DZIP3: variants seen among roughly 807,000 people sequenced by gnomAD.
The protein encoded by DZIP3 is DAZ interacting zinc finger protein 3.
A neutral mutation model predicts 162.0 loss-of-function variants in DZIP3; 118 were observed. The ratio of observed to expected loss-of-function variants is 0.73; its 90% CI spans 0.63 to 0.85. The LOEUF (loss-of-function observed/expected upper bound fraction) is 0.85. Among genes scored for constraint, DZIP3 ranks in the 40% least tolerant of loss-of-function variants. DZIP3 has a pLI of 0.00. For synonymous variants in DZIP3, 438 were observed against 458.6 expected (o/e 0.96, Z 0.57); for missense variants, 1,331 against 1,407.0 (o/e 0.95, Z 0.86).
chr3:108,631,419 C>T (rs931676146), intron 8 of DZIP3, among the ~76,000 whole-genome samples: 1 of 151,810 alleles, frequency 6.6e-6, no homozygotes, highest in African/African-American at 2.4e-5. Flanking sequence ...CTCTGTCACC[C>T]TGGGTGGAGT....
intron 5 of DZIP3, among the ~76,000 whole-genome samples, chr3:108,623,323 A>G (rs1192900079): frequency 6.6e-6 from 1 of 152,160 alleles, no homozygotes; most frequent in Non-Finnish European, 1.5e-5. Flanking sequence ...CCCAAGGCCC[A>G]TGGCGAGTAC....
chr3:108,661,917 A>G lies in DZIP3; in HGVS notation c.2240A>G (p.Glu747Gly). ...GKVTTDYGET[E>G]KERLARQRQL... Reference sequence around the variant, plus strand: ...GTAACTACAGACTATGGAGAAACTGAAAAGGAAAGGCTTGCTCGTCAAAGG... The same window carrying G: ...GTAACTACAGACTATGGAGAAACTGGAAAGGAAAGGCTTGCTCGTCAAAGG... Residue 747 changes from glutamate to glycine, a missense_variant, in exon 20 of 33, where the codon GAA becomes GGA. Glu to Gly is a moderately conservative substitution (Grantham distance 98). Transcript: ENST00000361582. 1.9e-6 allele frequency: 3 copies of G among 1,614,048 alleles called. No individual in the cohort carries two copies. The highest frequency in any genetic ancestry group is 2.5e-6 in the Non-Finnish European group (3 of 1,179,946).
chr3:108,625,803 A>T, intron 6 of DZIP3, 42 bp from the exon 7 acceptor site: 1 of 1,459,806 alleles, frequency 6.9e-7, no homozygotes, highest in Non-Finnish European at 9.1e-7. Flanking sequence ...AAAAAAAAAA[A>T]TGACTTTTAC....
upstream of DZIP3, chr3:108,589,657 C>T: frequency 3.3e-6 from 1 of 303,266 alleles, no homozygotes; most frequent in East Asian, 6.3e-5. Flanking sequence ...GCCTGAGATC[C>T]CGTGAAGGCG....
intron 6 of DZIP3, 85 bp from the exon 7 acceptor site, chr3:108,625,760 T>G: frequency 7.4e-7 from 1 of 1,354,526 alleles, no homozygotes; most frequent in Non-Finnish European, 9.8e-7. Context: ...TGCCCTAATT[T>G]CTCCAGTTTG....
At chr3:108,636,266 T>A (rs138463335) in intron 10 of DZIP3, among the ~76,000 whole-genome samples, 4 of 152,082 alleles carry the variant, frequency 2.6e-5, no homozygotes, top group African/African-American at 9.6e-5. Context: ...ATTTTTATTC[T>A]TTCCTTTTCC....
chr3:108,667,128 T>C (rs1355346472), intron 21 of DZIP3, among the ~76,000 whole-genome samples: 2 of 151,384 alleles, frequency 1.3e-5, no homozygotes, highest in Non-Finnish European at 2.9e-5. Context: ...CAGTTCAGCA[T>C]GGGCAACATA....
intron 17 of DZIP3, among the ~76,000 whole-genome samples, chr3:108,650,505 A>G (rs1376704027): frequency 1.3e-5 from 2 of 151,742 alleles, no homozygotes; most frequent in Admixed American, 6.6e-5. Flanking sequence ...GTAATACTGT[A>G]ATACTCTTAG....
At chr3:108,631,043 A>ACTCTCTCT (rs1559741160) in intron 8 of DZIP3, among the ~76,000 whole-genome samples, 7 of 90,288 alleles carry the variant, frequency 7.8e-5, no homozygotes, top group African/African-American at 3.6e-4. Context: ...ACACACACAC[A>ACTCTCTCT]CACACACACA....
At chr3:108,660,335 C>T (rs1017769395) in intron 19 of DZIP3, among the ~76,000 whole-genome samples, 3 of 152,108 alleles carry the variant, frequency 2.0e-5, no homozygotes, top group Non-Finnish European at 2.9e-5. Context: ...AATAATGCCA[C>T]ATATCTACAA....
intron 19 of DZIP3, among the ~76,000 whole-genome samples, chr3:108,659,145 G>A (rs1482171069): frequency 2.0e-5 from 3 of 152,150 alleles, no homozygotes; most frequent in Non-Finnish European, 4.4e-5. Flanking sequence ...TGTTTTATGA[G>A]GCCAGCATCA....
chr3:108,688,006 G>T lies in DZIP3; in HGVS notation c.3180G>T (p.Leu1060Phe). Residue 1060 changes from leucine to phenylalanine, a missense_variant, in exon 29 of 33, where the codon TTG becomes TTT. Around this residue, in one of 2 missense-constraint regions of DZIP3, gnomAD observed 1,278 missense variants for 1,317.1 expected, o/e 0.97. Transcript: ENST00000361582. ...AACTTACAGATTTCTTACGGAAATTGAAGGATGCTTATGGAAAATCCTTGT... is the reference window on the plus strand; with the variant it reads ...AACTTACAGATTTCTTACGGAAATTTAAGGATGCTTATGGAAAATCCTTGT... ...RKELTDFLRKLKDAYGKSLSE... is the reference protein window; with the variant it reads ...RKELTDFLRKFKDAYGKSLSE... The T allele has an allele frequency of 1.2e-6, 2 of 1,613,596 alleles. No individual in the cohort carries two copies. The highest frequency in any genetic ancestry group is 1.7e-6 in the Non-Finnish European group (2 of 1,179,786).
intron 21 of DZIP3, 90 bp from the exon 22 acceptor site, chr3:108,669,591 T>C: frequency 8.6e-7 from 1 of 1,157,260 alleles, no homozygotes; most frequent in Non-Finnish European, 1.2e-6. Context: ...ACATACTTTA[T>C]CTCCTCCACA....
chr3:108,598,077 C>A (rs923391658), intron 1 of DZIP3, among the ~76,000 whole-genome samples: 1 of 152,054 alleles, frequency 6.6e-6, no homozygotes, highest in Non-Finnish European at 1.5e-5. Flanking sequence ...ATTAGGCTGG[C>A]ATGATTAATA....
rs775526800 is a variant in DZIP3 at position 108,675,858 on chromosome 3, G to A, written c.2766G>A (p.Lys922=). ...CCATTGTGGCAGATGTTAGAAACAA[G>A]ATTGCATTCCTCAGGGTAAGTCCTG... ...WNAIVADVRN[K]IAFLRTQYNE... is the part of the protein sequence containing the mutation. Residue 922 remains lysine (K), a synonymous_variant, in exon 25 of 33, where the codon AAG becomes AAA. Transcript: ENST00000361582. 6.2e-7 allele frequency: 1 copy of A among 1,609,790 alleles called. No homozygotes were observed. Among genetic ancestry groups the A allele is most frequent in the Non-Finnish European group, 8.5e-7 (1 of 1,177,764 alleles).
At chr3:108,675,081 A>T (rs1322532963) in intron 24 of DZIP3, among the ~76,000 whole-genome samples, 1 of 151,908 alleles carries the variant, frequency 6.6e-6, no homozygotes, top group Non-Finnish European at 1.5e-5. Flanking sequence ...AGCTCTTATA[A>T]AATTGTTGGG....
chr3:108,667,305 C>T lies in DZIP3; in HGVS notation c.2424-2376C>T, dbSNP rs776881253. Among the ~76,000 whole-genome samples the T allele has an allele frequency of 2.9e-4, 44 of 152,034 alleles. 1 individual carries two copies. Among genetic ancestry groups the T allele is most frequent in the Admixed American group, 5.9e-4 (9 of 15,248 alleles). ...ATAAAAGACATAAATTACTACCATC[C>T]GGAATGAAACAGTGATATGTATCAC... is the stretch of plus-strand genomic sequence containing the variant. On this transcript the variant is annotated intron_variant, in intron 21 of 32. Transcript: ENST00000361582.
At position 108,654,127 on chromosome 3, in the gene DZIP3, A is replaced by C; in HGVS notation, c.2034-18A>C. On this transcript the variant is annotated intron_variant, in intron 18 of 32. Coordinates refer to ENST00000361582, the MANE Select transcript of DZIP3 (RefSeq NM_014648.4). ...TATACAATTGTAAAAGCTCACATTGATTATGTCACGACTACAGCCCATATG... is the reference window on the plus strand; with the variant it reads ...TATACAATTGTAAAAGCTCACATTGCTTATGTCACGACTACAGCCCATATG... 6.2e-7 allele frequency: 1 copy of C among 1,610,492 alleles called. No individual in the cohort carries two copies. Among genetic ancestry groups the C allele is most frequent in the Non-Finnish European group, 8.5e-7 (1 of 1,178,406 alleles).
intron 26 of DZIP3, 54 bp from the exon 27 acceptor site, chr3:108,684,162 T>C (rs1028549314): frequency 2.6e-6 from 4 of 1,543,006 alleles, no homozygotes; most frequent in Non-Finnish European, 2.6e-6. Flanking sequence ...TAAATAAATA[T>C]ATAAATATGT....
Sources: gnomAD v4.1 joint callset for allele counts (sites outside exome capture counted in the v4.1 genomes callset) on GRCh38, gnomAD v4.1.1 for gene constraint, gnomAD v4.1.1 regional missense constraint, MANE v1.5 for transcripts, NCBI Gene and HGNC (gene_info 2026-07-23, HGNC 2026-07-21) for gene names.